Variants in DISP1 observed in about 807,000 individuals in gnomAD.
DISP1 encodes the protein protein dispatched homolog 1.
DISP1 carries 30 observed loss-of-function variants against 37.3 expected under a neutral mutation model. The ratio of observed to expected loss-of-function variants is 0.80; its 90% CI spans 0.60 to 1.09. The LOEUF (loss-of-function observed/expected upper bound fraction) is 1.09. Among genes scored for constraint, DISP1 ranks in the 50% least tolerant of loss-of-function variants. DISP1 has a pLI of 0.00. For synonymous variants in DISP1, 634 were observed against 690.2 expected (o/e 0.92, Z 1.28); for missense variants, 1,598 against 1,879.5 (o/e 0.85, Z 2.77).
At chr1:222,984,359 A>G (rs1490290959) in intron 4 of DISP1, among the ~76,000 whole-genome samples, 3 of 145,930 alleles carry the variant, frequency 2.1e-5, no homozygotes, top group African/African-American at 7.6e-5. Context: ...TAGCTGAAAT[A>G]CACCACTACA....
At chr1:222,936,379 C>A (rs1055772432) in intron 2 of DISP1, among the ~76,000 whole-genome samples, 2 of 151,616 alleles carry the variant, frequency 1.3e-5, no homozygotes, top group African/African-American at 4.9e-5. Flanking sequence ...TGTGATGCAA[C>A]TTTTTGTCTG....
intron 1 of DISP1, among the ~76,000 whole-genome samples, chr1:222,847,613 T>A (rs960613268): frequency 6.6e-6 from 1 of 152,206 alleles, no homozygotes; most frequent in Non-Finnish European, 1.5e-5. Flanking sequence ...TTTTTTTTTC[T>A]GGCCTTTTCC....
intron 8 of DISP1, among the ~76,000 whole-genome samples, chr1:223,000,569 A>G (rs1407059949): frequency 1.3e-5 from 2 of 152,250 alleles, no homozygotes; most frequent in African/African-American, 4.8e-5. Context: ...AAAAACAAAC[A>G]ACTTTTTATT....
chr1:222,906,201 T>A (rs1671878406), intron 1 of DISP1, among the ~76,000 whole-genome samples: 1 of 152,280 alleles, frequency 6.6e-6, no homozygotes, highest in East Asian at 1.9e-4. Flanking sequence ...GACCCTTAGC[T>A]CTTTTTAGAG....
chr1:222,825,147 A>C (rs1664006718), intron 1 of DISP1, among the ~76,000 whole-genome samples: 1 of 138,752 alleles, frequency 7.2e-6, no homozygotes, highest in Non-Finnish European at 1.6e-5. Flanking sequence ...AGGGATGGGG[A>C]ATGTGGGGGG....
At chr1:222,989,414 G>A (rs1056265133) in intron 4 of DISP1, 7 of 985,286 alleles carry the variant, frequency 7.1e-6, no homozygotes, top group African/African-American at 7.0e-5. Context: ...GTTCAGTTTA[G>A]TCAGCTTCTG....
At chr1:222,990,928 G>C (rs1678656355) in intron 5 of DISP1, among the ~76,000 whole-genome samples, 180 bp downstream of exon 5, 1 of 152,174 alleles carries the variant, frequency 6.6e-6, no homozygotes, top group Non-Finnish European at 1.5e-5. Flanking sequence ...AAAAGGTCAA[G>C]GAACTTGTTT....
In DISP1 at chr1:222,838,575, G is replaced by A. The variant is rs1667390972; in HGVS notation, c.-159+23497G>A. On this transcript the variant is annotated intron_variant, in intron 1 of 8. Coordinates refer to ENST00000675850, the MANE Select transcript of DISP1 (RefSeq NM_001377229.1). ...TTTGAGGCCAGAAGTTAAAAGACTA[G>A]CCTGGGCAACATAGTGAGACCCCAT... Among the ~76,000 whole-genome samples, 3 of 151,946 alleles carry A rather than the reference G, an allele frequency of 2.0e-5. No homozygotes were observed. In the South Asian group the frequency reaches 6.2e-4, roughly 32 times the overall value.
chr1:223,001,159 T>G (rs747550198), intron 8 of DISP1, among the ~76,000 whole-genome samples: 1 of 152,168 alleles, frequency 6.6e-6, no homozygotes, highest in South Asian at 2.1e-4. Flanking sequence ...TTTATAACAA[T>G]AGCCATAAGA....
intron 1 of DISP1, among the ~76,000 whole-genome samples, chr1:222,858,682 A>G (rs1012902293): frequency 6.6e-6 from 1 of 151,160 alleles, no homozygotes; most frequent in Non-Finnish European, 1.5e-5. Context: ...ACATGAACAG[A>G]CACTTCTCAA....
chr1:222,945,091 C>T (rs1164177781), intron 3 of DISP1, among the ~76,000 whole-genome samples: 4 of 151,984 alleles, frequency 2.6e-5, no homozygotes, highest in African/African-American at 9.7e-5. Context: ...AGGTTTTGAA[C>T]ATTGTTGAGA....
At chr1:222,825,134 C>T (rs1391433836) in intron 1 of DISP1, among the ~76,000 whole-genome samples, 3 of 148,092 alleles carry the variant, frequency 2.0e-5, no homozygotes, top group Admixed American at 6.7e-5. Context: ...ATAGTCTCTC[C>T]CCAGGGATGG....
At chr1:222,857,578 CAA>C (rs1281516400) in intron 1 of DISP1, among the ~76,000 whole-genome samples, 1 of 152,172 alleles carries the variant, frequency 6.6e-6, no homozygotes, top group Non-Finnish European at 1.5e-5. Flanking sequence ...GCAACTTCAG[CAA>C]AGTCTTAAGA....
At chr1:222,944,417 G>A (rs1490861954) in intron 3 of DISP1, among the ~76,000 whole-genome samples, 1 of 150,052 alleles carries the variant, frequency 6.7e-6, no homozygotes. Context: ...ACTTTCTAGA[G>A]ACCTAGTATT....
intron 1 of DISP1, among the ~76,000 whole-genome samples, chr1:222,821,233 A>G (rs1662806923): frequency 6.6e-6 from 1 of 152,230 alleles, no homozygotes; most frequent in Non-Finnish European, 1.5e-5. Context: ...GGGGTTGGGA[A>G]GAGGAATGGA....
intron 3 of DISP1, among the ~76,000 whole-genome samples, chr1:222,960,399 A>G (rs141130958): frequency 0.049 from 7,437 of 152,264 alleles, 218 homozygotes; most frequent in Non-Finnish European, 0.062. Context: ...TAAGGCAGAA[A>G]TCAAGAAGTT....
intron 1 of DISP1, among the ~76,000 whole-genome samples, chr1:222,842,683 C>A (rs1411340709): frequency 2.6e-5 from 4 of 151,958 alleles, no homozygotes; most frequent in African/African-American, 9.7e-5. Flanking sequence ...TCTGTTAACA[C>A]ACAGGCTTTG....
Position 222,990,658 on chromosome 1 carries a change from G to A in DISP1, c.573G>A (p.Val191=). The change falls in exon 5 of 9, where the codon GTG becomes GTA. Residue 191 remains valine, a synonymous_variant. Transcript: ENST00000675850. ...CCCTGATAGCCGACTGGCCGGTGGT[G>A]GTCTTGGGCATGTGCACCATGTTCA... The part of the protein sequence containing the change: ...YAALIADWPV[V]VLGMCTMFIV... The A allele has an allele frequency of 6.2e-7, 1 of 1,614,104 alleles. No individual in the cohort carries two copies.
Position 222,958,951 on chromosome 1 carries a change from G to GT in DISP1, c.509+15629dup, listed in dbSNP as rs35888907. 1.1e-3 allele frequency among the ~76,000 whole-genome samples: 171 copies of GT among 149,864 alleles called. 1 individual carries two copies. Among genetic ancestry groups the GT allele is most frequent in the East Asian group, 2.0e-3 (10 of 5,096 alleles). ...TCATATAAGCAATTAAGAATGTTTA[G>GT]TTTTTTTTTTATCAACATTGCAATT... On this transcript the variant is annotated intron_variant, in intron 3 of 8. Coordinates refer to ENST00000675850, the MANE Select transcript of DISP1 (RefSeq NM_001377229.1).
Sources: gnomAD v4.1 joint callset for allele counts (sites outside exome capture counted in the v4.1 genomes callset) on GRCh38, gnomAD v4.1.1 for gene constraint, MANE v1.5 for transcripts, NCBI Gene and HGNC (gene_info 2026-07-23, HGNC 2026-07-21) for gene names.